The following SLC2A13 variants were observed in gnomAD, a reference collection of about 807,000 sequenced individuals.
SLC2A13 encodes the protein proton myo-inositol cotransporter.
Under a neutral mutation model 64.4 loss-of-function variants are expected in SLC2A13, and 32 were observed. The observed-to-expected ratio is 0.50, with a 90% confidence interval of 0.37 to 0.67. The LOEUF (loss-of-function observed/expected upper bound fraction) is 0.67. Ranked by LOEUF, SLC2A13 falls within the 30% of genes least tolerant of loss-of-function variation. The probability of loss-of-function intolerance (pLI) is 0.00; values close to 1 mark genes in which losing one functional copy is unlikely to be tolerated. For synonymous variants in SLC2A13, 338 were observed against 327.1 expected, an observed-to-expected ratio of 1.03 and a Z score of -0.36; for missense variants, 743 against 829.2, an observed-to-expected ratio of 0.90 and a Z score of 1.28.
At chr12:39,970,840 A>T (rs1299822022) in intron 3 of SLC2A13, among the ~76,000 whole-genome samples, 2 of 152,170 alleles carry the variant, frequency 1.3e-5, no homozygotes, top group African/African-American at 4.8e-5. Flanking sequence ...CTATAGGAAA[A>T]CTCATGTAAA....
intron 6 of SLC2A13, among the ~76,000 whole-genome samples, chr12:39,848,227 CAGAGT>C (rs1320269779): frequency 6.6e-6 from 1 of 152,150 alleles, no homozygotes; most frequent in African/African-American, 2.4e-5. Context: ...AAACTATCAA[CAGAGT>C]AAACAGACAA....
At chr12:39,973,520 G>T (rs1946705547) in intron 3 of SLC2A13, among the ~76,000 whole-genome samples, 1 of 152,166 alleles carries the variant, frequency 6.6e-6, no homozygotes, top group East Asian at 1.9e-4. Context: ...CCTGTCCTCT[G>T]AGCTCCACTG....
At chr12:40,081,609 G>A (rs1938404474) in intron 1 of SLC2A13, among the ~76,000 whole-genome samples, 1 of 152,078 alleles carries the variant, frequency 6.6e-6, no homozygotes, top group Non-Finnish European at 1.5e-5. Flanking sequence ...TAGATTCCCT[G>A]GATTCAGTTT....
At chr12:39,926,526 G>A (rs540061045) in intron 4 of SLC2A13, among the ~76,000 whole-genome samples, 58 of 152,098 alleles carry the variant, frequency 3.8e-4, no homozygotes, top group Non-Finnish European at 1.9e-4. Context: ...GTGCTGTATC[G>A]CCCACTGGTA....
chr12:39,908,565 G>A (rs1945351770), intron 4 of SLC2A13, among the ~76,000 whole-genome samples: 1 of 151,926 alleles, frequency 6.6e-6, no homozygotes, highest in Non-Finnish European at 1.5e-5. Flanking sequence ...AGGCAAGGCG[G>A]GGAGGGGAGG....
At chr12:39,977,232 C>T (rs1189089912) in intron 3 of SLC2A13, among the ~76,000 whole-genome samples, 2 of 152,176 alleles carry the variant, frequency 1.3e-5, no homozygotes, top group African/African-American at 4.8e-5. Context: ...CAAACAAAGG[C>T]TCAAAGAGGC....
intron 7 of SLC2A13, among the ~76,000 whole-genome samples, chr12:39,769,019 C>A (rs536394950): frequency 6.6e-6 from 1 of 152,176 alleles, no homozygotes; most frequent in African/African-American, 2.4e-5. Context: ...GAGTTCCCAA[C>A]CCGGTGTGGC....
chr12:40,083,710 T>C (rs951052157), intron 1 of SLC2A13, among the ~76,000 whole-genome samples: 2 of 152,204 alleles, frequency 1.3e-5, no homozygotes, highest in Admixed American at 6.5e-5. Context: ...TTTTCTGCCA[T>C]TGGTGTTCAA....
At chr12:40,063,452 T>C (rs1413662801) in intron 1 of SLC2A13, among the ~76,000 whole-genome samples, 2 of 143,752 alleles carry the variant, frequency 1.4e-5, no homozygotes, top group Non-Finnish European at 3.0e-5. Flanking sequence ...AATGCCTACA[T>C]CTAAATTAGT....
intron 4 of SLC2A13, among the ~76,000 whole-genome samples, chr12:39,878,236 A>G (rs1944242716): frequency 6.6e-6 from 1 of 152,228 alleles, no homozygotes; most frequent in African/African-American, 2.4e-5. Flanking sequence ...CCAGGGGTGA[A>G]GCATTGCTAT....
chr12:39,760,307 T>G (rs966512592), intron 9 of SLC2A13, 55 bp from the exon 10 acceptor site: 1 of 1,491,956 alleles, frequency 6.7e-7, no homozygotes, highest in Non-Finnish European at 9.1e-7. Context: ...GAGGCTTAAG[T>G]TGGAAAGATT....
At chr12:39,868,138 G>T (rs1030063671) in intron 5 of SLC2A13, among the ~76,000 whole-genome samples, 3 of 152,176 alleles carry the variant, frequency 2.0e-5, no homozygotes, top group African/African-American at 4.8e-5. Flanking sequence ...TTACAACCTG[G>T]ATTTGAGTCT....
At position 39,884,745 on chromosome 12, in the gene SLC2A13, G is replaced by A. The variant is rs549534489; in HGVS notation, c.1035-12784C>T. Among the ~76,000 whole-genome samples, 98 of 152,282 alleles carry A rather than the reference G, an allele frequency of 6.4e-4. 1 individual carries two copies. The highest frequency in any genetic ancestry group is 2.1e-3 in the African/African-American group (87 of 41,562). On this transcript the variant is annotated intron_variant, in intron 4 of 9. Transcript: ENST00000280871. Reference sequence around the variant, plus strand: ...TGCTGGAACATGAAGGCAGCGATGAGCTCCACCTTACAGTCCAAATAGTTA... The same window carrying A: ...TGCTGGAACATGAAGGCAGCGATGAACTCCACCTTACAGTCCAAATAGTTA...
intron 4 of SLC2A13, among the ~76,000 whole-genome samples, chr12:39,925,227 G>A (rs1048731311): frequency 6.6e-6 from 1 of 151,690 alleles, no homozygotes; most frequent in Non-Finnish European, 1.5e-5. Flanking sequence ...TAGAGACGGG[G>A]TTTCACCATA....
chr12:40,105,398 G>T lies in SLC2A13; in HGVS notation c.411C>A (p.Ala137=). 1 of 1,554,656 alleles carries T rather than the reference G, an allele frequency of 6.4e-7. No individual in the cohort carries two copies. Among genetic ancestry groups the T allele is most frequent in the Non-Finnish European group, 8.7e-7 (1 of 1,150,624 alleles). Residue 137 remains alanine, a synonymous_variant, in exon 1 of 10, where the codon GCC becomes GCA. Coordinates refer to ENST00000280871, the MANE Select transcript of SLC2A13 (RefSeq NM_052885.4). The surrounding 1 kb of genome is among the most constrained non-coding windows in gnomAD (Gnocchi z 4.2). ...TVGAAAVSAL[A]GGALNGVFGR... ...CGAAGACGCCGTTGAGGGCGCCTCC[G>T]GCCAGCGCCGAGACGGCAGCCGCCC...
chr12:39,816,128 T>C (rs1057401278), intron 7 of SLC2A13, among the ~76,000 whole-genome samples: 1 of 152,160 alleles, frequency 6.6e-6, no homozygotes, highest in African/African-American at 2.4e-5. Context: ...CAACTAGAAT[T>C]TGCCTATTCC....
At chr12:39,972,634 C>T (rs1339360239) in intron 3 of SLC2A13, among the ~76,000 whole-genome samples, 1 of 152,176 alleles carries the variant, frequency 6.6e-6, no homozygotes, top group African/African-American at 2.4e-5. Context: ...TCTATTAGAT[C>T]TTCTTCATCA....
chr12:40,066,532 A>G (rs1937733438), intron 1 of SLC2A13, among the ~76,000 whole-genome samples: 1 of 152,244 alleles, frequency 6.6e-6, no homozygotes, highest in South Asian at 2.1e-4. Flanking sequence ...ATAATAATCC[A>G]TCACTTATTC....
intron 4 of SLC2A13, among the ~76,000 whole-genome samples, chr12:39,911,942 T>C (rs1270534910): frequency 6.6e-6 from 1 of 152,018 alleles, no homozygotes. Flanking sequence ...GAGAGCTCCC[T>C]GAGCTTGCTT....
Sources: allele counts gnomAD v4.1 joint callset (sites outside exome capture counted in the v4.1 genomes callset), GRCh38; gene constraint gnomAD v4.1.1; non-coding constraint Gnocchi (gnomAD v3.1); transcripts MANE v1.5; gene names NCBI Gene and HGNC (gene_info 2026-07-23, HGNC 2026-07-21).